NRXN1: variants seen among roughly 807,000 people sequenced by gnomAD.
The protein encoded by NRXN1 is neurexin 1, also known as neurexin-1.
NRXN1 carries 39 observed loss-of-function variants against 150.9 expected under a neutral mutation model. That is an observed-to-expected ratio of 0.26 (90% CI 0.20 to 0.34). The LOEUF is 0.34. Ranked by LOEUF, NRXN1 falls within the 10% of genes least tolerant of loss-of-function variation. The probability of loss-of-function intolerance (pLI) is 1.00; values close to 1 mark genes in which losing one functional copy is unlikely to be tolerated. For missense variants in NRXN1, 1,815 were observed against 1,949.9 expected (o/e 0.93, Z 1.30); for synonymous variants, 924 against 757.0 (o/e 1.22, Z -3.62).
chr2:50,087,550 G>C (rs1213356205), intron 19 of NRXN1, among the ~76,000 whole-genome samples: 1 of 152,060 alleles, frequency 6.6e-6, no homozygotes, highest in Admixed American at 6.5e-5. Flanking sequence ...ACTGTAATTA[G>C]GGACAAATCA....
chr2:50,826,799 G>C lies in NRXN1; in HGVS notation c.832+95070C>G, dbSNP rs576084865. ...AGCTCTTAGACATCCCAGTGGAAAG[G>C]TCAAGCAGAGGGTTTTTTACATAAA... On this transcript the variant is annotated intron_variant, in intron 5 of 22. Coordinates refer to ENST00000401669, the MANE Select transcript of NRXN1 (RefSeq NM_001330078.2). Among the ~76,000 whole-genome samples the C allele has an allele frequency of 1.6e-3, 240 of 152,312 alleles. 2 individuals carry two copies. The highest frequency in any genetic ancestry group is 5.6e-3 in the African/African-American group (233 of 41,578).
intron 5 of NRXN1, among the ~76,000 whole-genome samples, chr2:50,887,406 CAGTT>C (rs1680415790): frequency 6.6e-6 from 1 of 151,368 alleles, no homozygotes; most frequent in African/African-American, 2.4e-5. Context: ...TATTTGTAAA[CAGTT>C]AGAATAGCAA....
intron 17 of NRXN1, among the ~76,000 whole-genome samples, chr2:50,455,133 C>T (rs80135895): frequency 0.011 from 1,681 of 152,180 alleles, 31 homozygotes; most frequent in African/African-American, 0.039. Context: ...GTAGAGTTGT[C>T]GCATAAGATT....
chr2:50,438,288 G>C (rs2085627618), intron 17 of NRXN1, among the ~76,000 whole-genome samples: 1 of 152,170 alleles, frequency 6.6e-6, no homozygotes, highest in African/African-American at 2.4e-5. Context: ...TTTGCATGTG[G>C]ATATACAGCC....
intron 18 of NRXN1, among the ~76,000 whole-genome samples, chr2:50,190,423 C>G (rs1169264120): frequency 6.6e-6 from 1 of 151,996 alleles, no homozygotes; most frequent in Admixed American, 6.6e-5. Context: ...ATATATGGGA[C>G]ATTTTTACAT....
chr2:49,998,664 T>C (rs1436779120), intron 21 of NRXN1, among the ~76,000 whole-genome samples: 7 of 152,084 alleles, frequency 4.6e-5, no homozygotes. Context: ...GGACATAATT[T>C]AACCTTTTTA....
At chr2:50,661,707 T>TA (rs1201686703) in intron 5 of NRXN1, among the ~76,000 whole-genome samples, 1 of 152,062 alleles carries the variant, frequency 6.6e-6, no homozygotes, top group East Asian at 1.9e-4. Flanking sequence ...CCCTTCCTTC[T>TA]AAAATAACTT....
intron 5 of NRXN1, among the ~76,000 whole-genome samples, chr2:50,806,660 C>T (rs1667553156): frequency 6.6e-6 from 1 of 152,022 alleles, no homozygotes; most frequent in Admixed American, 6.6e-5. Flanking sequence ...ATTTAGTATA[C>T]CAATGTGTCT....
intron 5 of NRXN1, among the ~76,000 whole-genome samples, chr2:50,783,081 T>A (rs771113023): frequency 3.3e-5 from 5 of 152,174 alleles, no homozygotes; most frequent in African/African-American, 4.8e-5. Context: ...ACAGATGAAT[T>A]TTGGAAAAGT....
At chr2:49,988,350 C>A (rs770283213) in intron 21 of NRXN1, among the ~76,000 whole-genome samples, 4 of 151,526 alleles carry the variant, frequency 2.6e-5, no homozygotes, top group African/African-American at 9.7e-5. Context: ...AAAGAAGACT[C>A]TTTCCTGCTA....
At chr2:50,174,933 G>A (rs1461210929) in intron 18 of NRXN1, 1 of 152,146 alleles carries the variant, frequency 6.6e-6, no homozygotes, top group Non-Finnish European at 1.5e-5. Flanking sequence ...AGCGTAGCAT[G>A]CTATCATTTG....
At chr2:50,131,933 G>T (rs1175216783) in intron 18 of NRXN1, among the ~76,000 whole-genome samples, 2 of 152,078 alleles carry the variant, frequency 1.3e-5, no homozygotes, top group African/African-American at 2.4e-5. Flanking sequence ...CAAGTATGGG[G>T]GAAAAAAAGT....
At position 50,727,313 on chromosome 2, in the gene NRXN1, G is replaced by A. The variant is rs916232663; in HGVS notation, c.833-103698C>T. Among the ~76,000 whole-genome samples the A allele has an allele frequency of 2.0e-5, 3 of 152,016 alleles. No individual in the cohort carries two copies. In the East Asian group the frequency reaches 5.8e-4, roughly 29 times the overall value. On this transcript the variant is annotated intron_variant, in intron 5 of 22. Transcript: ENST00000401669. ...ATTCCAGTTACAACATACATGCTTT[G>A]TGAAGACACAGTCAATGTGTTAACA...
At chr2:49,960,757 T>C (rs1675792455) in intron 21 of NRXN1, among the ~76,000 whole-genome samples, 2 of 152,272 alleles carry the variant, frequency 1.3e-5, no homozygotes, top group East Asian at 3.9e-4. Context: ...AAACATCATT[T>C]TATCACATAT....
At chr2:50,543,290 T>C (rs1036611655) in intron 9 of NRXN1, among the ~76,000 whole-genome samples, 2 of 152,112 alleles carry the variant, frequency 1.3e-5, no homozygotes, top group Non-Finnish European at 2.9e-5. Context: ...GTAAACATTG[T>C]TACATTAAGG....
At chr2:50,886,549 A>T (rs1044469641) in intron 5 of NRXN1, among the ~76,000 whole-genome samples, 5 of 151,478 alleles carry the variant, frequency 3.3e-5, no homozygotes, top group African/African-American at 1.2e-4. Flanking sequence ...GATTACAAAC[A>T]AAAAATAATT....
chr2:50,335,319 A>G (rs909755408), intron 17 of NRXN1, among the ~76,000 whole-genome samples: 2 of 152,300 alleles, frequency 1.3e-5, no homozygotes, highest in South Asian at 4.1e-4. Context: ...TGGCTAAGGT[A>G]TACGCATCAA....
intron 5 of NRXN1, among the ~76,000 whole-genome samples, chr2:50,716,397 T>G (rs1360713154): frequency 6.6e-6 from 1 of 151,970 alleles, no homozygotes; most frequent in Non-Finnish European, 1.5e-5. Context: ...ATTGACTAAA[T>G]TAAAACATGA....
intron 17 of NRXN1, among the ~76,000 whole-genome samples, chr2:50,393,790 C>T (rs1237574813): frequency 1.3e-5 from 2 of 152,054 alleles, no homozygotes; most frequent in African/African-American, 4.8e-5. Flanking sequence ...GCTGCTGACA[C>T]ATACAATTCC....
Sources: gnomAD v4.1 joint callset for allele counts (sites outside exome capture counted in the v4.1 genomes callset) on GRCh38, gnomAD v4.1.1 for gene constraint, MANE v1.5 for transcripts, NCBI Gene and HGNC (gene_info 2026-07-23, HGNC 2026-07-21) for gene names.